GJB7: variants seen among roughly 807,000 people sequenced by gnomAD.
The protein encoded by GJB7 is gap junction protein beta 7, also known as gap junction beta-7 protein.
For missense variants in GJB7, 253 were observed against 256.8 expected, an observed-to-expected ratio of 0.99 and a Z score of 0.10; for synonymous variants, 87 against 95.2, an observed-to-expected ratio of 0.91 and a Z score of 0.50.
chr6:87,321,111 C>T (rs778500756), intron 2 of GJB7, among the ~76,000 whole-genome samples: 9 of 151,456 alleles, frequency 5.9e-5, no homozygotes, highest in African/African-American at 1.7e-4. Flanking sequence ...CCCAGCTACT[C>T]GGGAGGATGA....
At chr6:87,308,754 T>G (rs79891232) in intron 2 of GJB7, among the ~76,000 whole-genome samples, 2 of 151,986 alleles carry the variant, frequency 1.3e-5, no homozygotes, top group East Asian at 3.9e-4. Context: ...CTGAGGCATA[T>G]CGTGATAAGA....
At chr6:87,299,400 A>G in intron 2 of GJB7, 1 of 491,254 alleles carries the variant, frequency 2.0e-6, no homozygotes, top group South Asian at 1.5e-5. Flanking sequence ...TTAAAGGCAT[A>G]AAGTTTGATT....
chr6:87,302,822 C>T (rs1212984), intron 2 of GJB7, among the ~76,000 whole-genome samples: 3 of 151,714 alleles, frequency 2.0e-5, no homozygotes, highest in Non-Finnish European at 2.9e-5. Flanking sequence ...AGACTAACAG[C>T]GGATCTCTTG....
At chr6:87,306,805 G>A (rs1776435064) in intron 2 of GJB7, among the ~76,000 whole-genome samples, 1 of 152,174 alleles carries the variant, frequency 6.6e-6, no homozygotes, top group South Asian at 2.1e-4. Context: ...ACTGGATTAA[G>A]AAAATGTGGC....
chr6:87,320,719 G>T (rs1370996145), intron 2 of GJB7, among the ~76,000 whole-genome samples: 2 of 152,188 alleles, frequency 1.3e-5, no homozygotes, highest in African/African-American at 4.8e-5. Context: ...GGTCAAAGAT[G>T]AATTCAAAGA....
chr6:87,291,542 T>C (rs1286069266), intron 2 of GJB7, among the ~76,000 whole-genome samples: 1 of 152,192 alleles, frequency 6.6e-6, no homozygotes, highest in African/African-American at 2.4e-5. Flanking sequence ...TGCTCCTCTG[T>C]TCCCCCTCGT....
At chr6:87,312,565 A>G (rs1776527490) in intron 2 of GJB7, among the ~76,000 whole-genome samples, 1 of 151,978 alleles carries the variant, frequency 6.6e-6, no homozygotes, top group Non-Finnish European at 1.5e-5. Flanking sequence ...CTCTAAGTTT[A>G]GCACCAGTTT....
In GJB7 at chr6:87,284,763, CTCTT is replaced by C. The variant is rs780091925; in HGVS notation, c.146_149del (p.Lys49SerfsTer32). 7.4e-6 allele frequency: 12 copies of C among 1,613,988 alleles called. No homozygotes were observed. Among genetic ancestry groups the C allele is most frequent in the Admixed American group, 5.0e-5 (3 of 59,956 alleles). ...CGGGCTGTCTACTGTTGCACTCAAA[CTCTT>C]TCTGCTCATCTTTCCACACGTGCTC... On this transcript the variant is annotated frameshift_variant, in exon 3 of 3. Coordinates refer to ENST00000525899, the MANE Select transcript of GJB7 (RefSeq NM_198568.3). LOFTEE classifies it low-confidence loss of function (END_TRUNC).
intron 2 of GJB7, among the ~76,000 whole-genome samples, chr6:87,315,813 A>AAAG (rs1554214351): frequency 8.8e-5 from 13 of 148,528 alleles, no homozygotes; most frequent in African/African-American, 3.1e-4. Context: ...AAAAAAAAAA[A>AAAG]AAAGAAAGAA....
At chr6:87,323,712 G>T (rs1487291593) in intron 1 of GJB7, among the ~76,000 whole-genome samples, 3 of 152,040 alleles carry the variant, frequency 2.0e-5, no homozygotes, top group Middle Eastern at 3.2e-3. Context: ...CTTTGCTATT[G>T]TGAATAATGC....
intron 2 of GJB7, among the ~76,000 whole-genome samples, chr6:87,310,534 A>G (rs1776501238): frequency 6.6e-6 from 1 of 152,124 alleles, no homozygotes; most frequent in Non-Finnish European, 1.5e-5. Context: ...ATGAAAGACT[A>G]CACATTGGGT....
Position 87,283,943 on chromosome 6 carries a change from A to G in GJB7, c.*298T>C, listed in dbSNP as rs1776014329. On this transcript the variant is annotated 3_prime_UTR_variant, in exon 3 of 3. Coordinates refer to ENST00000525899, the MANE Select transcript of GJB7 (RefSeq NM_198568.3). Reference sequence around the variant, plus strand: ...TTCTAAAACAACTAATGTTATCCACATACTGGAGAACCCTACAACAAAACA... The same window carrying G: ...TTCTAAAACAACTAATGTTATCCACGTACTGGAGAACCCTACAACAAAACA... 7 of 267,018 alleles carry G rather than the reference A, an allele frequency of 2.6e-5. No homozygotes were observed. In the South Asian group the frequency reaches 5.6e-4, roughly 22 times the overall value. 16.5% of individuals were successfully genotyped at this position (267,018 alleles called of 1,614,324 possible).
At chr6:87,314,956 G>T (rs1776560218) in intron 2 of GJB7, among the ~76,000 whole-genome samples, 1 of 152,022 alleles carries the variant, frequency 6.6e-6, no homozygotes, top group Non-Finnish European at 1.5e-5. Flanking sequence ...ACTTTTTTTA[G>T]GTAACTCAGG....
rs371985690 is a variant in GJB7, at chr6:87,303,379, A to G, written c.-27-18440T>C. 3.5e-4 allele frequency among the ~76,000 whole-genome samples: 53 copies of G among 152,366 alleles called. 2 individuals carry two copies. The South Asian group carries it at 9.9e-3, about 29-fold the overall frequency. On this transcript the variant is annotated intron_variant, in intron 2 of 2. Coordinates refer to ENST00000525899, the MANE Select transcript of GJB7 (RefSeq NM_198568.3). ...AAAAAAAAGAAGGGGTTACAATCCT[A>G]GTCTCTGATAAAACAGACTTTAAAC...
At chr6:87,298,006 T>C (rs922765662) in intron 2 of GJB7, among the ~76,000 whole-genome samples, 1 of 152,098 alleles carries the variant, frequency 6.6e-6, no homozygotes, top group African/African-American at 2.4e-5. Context: ...TTAAAGAGGT[T>C]TGATCAATCA....
intron 2 of GJB7, among the ~76,000 whole-genome samples, chr6:87,288,670 C>G (rs1301767819): frequency 6.6e-6 from 1 of 152,246 alleles, no homozygotes; most frequent in African/African-American, 2.4e-5. Context: ...CTTCAGTAAA[C>G]TGCACCACCA....
At chr6:87,299,093 A>T (rs1259853890) in intron 2 of GJB7, 1 of 506,694 alleles carries the variant, frequency 2.0e-6, no homozygotes, top group African/African-American at 1.9e-5. Context: ...TGGGGAGGCC[A>T]TCACCAGTGC....
chr6:87,328,699 C>G (rs550229039), intron 1 of GJB7, among the ~76,000 whole-genome samples: 1 of 152,338 alleles, frequency 6.6e-6, no homozygotes, highest in Non-Finnish European at 1.5e-5. Context: ...ATACTGCTGT[C>G]TTTTTGTTTG....
chr6:87,292,342 C>T (rs1412462517), intron 2 of GJB7, among the ~76,000 whole-genome samples: 1 of 152,188 alleles, frequency 6.6e-6, no homozygotes, highest in Non-Finnish European at 1.5e-5. Flanking sequence ...AGCAAAATAA[C>T]AATTTAAGTT....
Sources: gnomAD v4.1 joint callset for allele counts (sites outside exome capture counted in the v4.1 genomes callset) on GRCh38, gnomAD v4.1.1 for gene constraint, MANE v1.5 for transcripts, NCBI Gene and HGNC (gene_info 2026-07-23, HGNC 2026-07-21) for gene names.